NOS1AP: variants seen among roughly 807,000 people sequenced by gnomAD.
NOS1AP encodes nitric oxide synthase 1 adaptor protein, also known as carboxyl-terminal PDZ ligand of neuronal nitric oxide synthase protein.
A neutral mutation model predicts 56.2 loss-of-function variants in NOS1AP; 21 were observed. The observed-to-expected ratio is 0.37, with a 90% confidence interval of 0.26 to 0.54. NOS1AP has a LOEUF of 0.54. NOS1AP is among the 20% of genes least tolerant of loss of function. NOS1AP has a pLI of 0.84. For synonymous variants in NOS1AP, 270 were observed against 274.6 expected (o/e 0.98, Z 0.17); for missense variants, 522 against 657.8 (o/e 0.79, Z 2.26).
At chr1:162,293,924 A>G (rs6689843) in intron 3 of NOS1AP, among the ~76,000 whole-genome samples, 39,938 of 151,954 alleles carry the variant, frequency 0.26, 5,461 homozygotes, top group East Asian at 0.43. Flanking sequence ...GGAGGAAATG[A>G]CTTTTTTCCC....
intron 2 of NOS1AP, among the ~76,000 whole-genome samples, chr1:162,181,655 T>G (rs1280632983): frequency 3.3e-5 from 5 of 152,178 alleles, no homozygotes; most frequent in Non-Finnish European, 7.3e-5. Flanking sequence ...GGGGTGATGT[T>G]GACATGAACT....
chr1:162,367,749 T>C lies in NOS1AP; in HGVS notation c.*282T>C. 2 of 431,228 alleles carry C rather than the reference T, an allele frequency of 4.6e-6. No individual in the cohort carries two copies. The highest frequency in any genetic ancestry group is 8.4e-6 in the Non-Finnish European group (2 of 238,572). 26.7% of individuals were successfully genotyped at this position (431,228 alleles called of 1,614,324 possible). A position where few individuals can be genotyped will look rare whatever the true frequency, so the allele number is the denominator to read the frequency against. On this transcript the variant is annotated 3_prime_UTR_variant, in exon 10 of 10. Coordinates refer to ENST00000361897, the MANE Select transcript of NOS1AP (RefSeq NM_014697.3). This position sits in a 1 kb window ranked among gnomAD's most constrained non-coding sequence, Gnocchi z 6.5. The stretch of plus-strand genomic sequence containing the variant: ...CCATGGCTTCAGGAGAGGGTCTCTC[T>C]CCAGGACTGCCAGGCTGCTGGAGGA...
At position 162,369,145 on chromosome 1, in the gene NOS1AP, G is replaced by T. The variant is rs1647285438; in HGVS notation, c.*1678G>T. The T allele has an allele frequency of 6.6e-6, 1 of 152,192 alleles. No individual in the cohort carries two copies. The highest frequency in any genetic ancestry group is 1.5e-5 in the Non-Finnish European group (1 of 68,050). The allele number at this position is 152,192 out of a possible 1,614,324, so 9.4% of individuals were successfully genotyped here. ...TGTGAGGGAAAGTGTGTACATATATGTAGGATTGTAACCAGACGGAAAAGA... is the reference window on the plus strand; with the variant it reads ...TGTGAGGGAAAGTGTGTACATATATTTAGGATTGTAACCAGACGGAAAAGA... On this transcript the variant is annotated 3_prime_UTR_variant, in exon 10 of 10. Coordinates refer to ENST00000361897, the MANE Select transcript of NOS1AP (RefSeq NM_014697.3).
intron 2 of NOS1AP, among the ~76,000 whole-genome samples, chr1:162,185,215 ATC>A (rs901591089): frequency 2.5e-4 from 38 of 152,180 alleles, no homozygotes; most frequent in Non-Finnish European, 2.1e-4. Context: ...ATCCAGGATA[ATC>A]TCTCCATCTG....
chr1:162,181,099 A>G (rs1651241978), intron 2 of NOS1AP, among the ~76,000 whole-genome samples: 1 of 152,238 alleles, frequency 6.6e-6, no homozygotes, highest in Non-Finnish European at 1.5e-5. Context: ...GTAGGATTAT[A>G]GGTAGTCAAT....
intron 5 of NOS1AP, among the ~76,000 whole-genome samples, chr1:162,337,329 T>C (rs1362221000): frequency 1.3e-5 from 2 of 152,164 alleles, no homozygotes; most frequent in African/African-American, 2.4e-5. Context: ...CACTATCAAA[T>C]TGGGGGCCAC....
intron 1 of NOS1AP, among the ~76,000 whole-genome samples, chr1:162,121,854 C>G (rs577406005): frequency 2.6e-5 from 4 of 152,122 alleles, no homozygotes; most frequent in Non-Finnish European, 5.9e-5. Flanking sequence ...ATCATGTTCC[C>G]GCACAGAGTA....
chr1:162,129,562 T>C (rs1212381046), intron 1 of NOS1AP, among the ~76,000 whole-genome samples: 1 of 152,240 alleles, frequency 6.6e-6, no homozygotes, highest in Non-Finnish European at 1.5e-5. Flanking sequence ...CTCTGTTTCA[T>C]TAGCAAATCG....
chr1:162,252,790 T>A (rs1331301098), intron 2 of NOS1AP, among the ~76,000 whole-genome samples: 1 of 152,230 alleles, frequency 6.6e-6, no homozygotes, highest in Non-Finnish European at 1.5e-5. Context: ...AATTTAAGTT[T>A]CAATTCATTA....
intron 2 of NOS1AP, among the ~76,000 whole-genome samples, chr1:162,245,415 C>G (rs746573948): frequency 4.0e-4 from 61 of 152,194 alleles, no homozygotes; most frequent in African/African-American, 1.4e-3. Context: ...CTGGAACTCT[C>G]ACATAATGCT....
chr1:162,099,877 G>A (rs1177153267), intron 1 of NOS1AP, among the ~76,000 whole-genome samples: 1 of 151,440 alleles, frequency 6.6e-6, no homozygotes, highest in Admixed American at 6.6e-5. Context: ...GTGAGAACAT[G>A]CGGTGTTTGG....
chr1:162,191,970 G>A (rs1651661944), intron 2 of NOS1AP, among the ~76,000 whole-genome samples: 1 of 152,096 alleles, frequency 6.6e-6, no homozygotes, highest in Non-Finnish European at 1.5e-5. Flanking sequence ...TTGTCCCCTG[G>A]AAGATAAGGG....
At chr1:162,217,417 C>T (rs1652617784) in intron 2 of NOS1AP, among the ~76,000 whole-genome samples, 1 of 151,838 alleles carries the variant, frequency 6.6e-6, no homozygotes, top group African/African-American at 2.4e-5. Context: ...GCATGAGCCA[C>T]CACACCCAGC....
intron 2 of NOS1AP, among the ~76,000 whole-genome samples, chr1:162,285,866 A>T (rs1389847648): frequency 3.3e-5 from 5 of 152,138 alleles, no homozygotes; most frequent in Non-Finnish European, 7.4e-5. Context: ...GTCATCAATG[A>T]TGTAGGTTGC....
chr1:162,091,275 C>A (rs1692124420), intron 1 of NOS1AP, among the ~76,000 whole-genome samples: 2 of 152,106 alleles, frequency 1.3e-5, no homozygotes, highest in South Asian at 2.1e-4. Flanking sequence ...TCCTGTGGGT[C>A]CCCTGTTGTT....
intron 2 of NOS1AP, among the ~76,000 whole-genome samples, chr1:162,224,652 T>C (rs1033647140): frequency 6.6e-6 from 1 of 152,196 alleles, no homozygotes; most frequent in Non-Finnish European, 1.5e-5. Flanking sequence ...TGAAAAATTG[T>C]ACTGAACAAG....
chr1:162,152,852 C>T (rs1649775108), intron 1 of NOS1AP, among the ~76,000 whole-genome samples: 1 of 152,182 alleles, frequency 6.6e-6, no homozygotes, highest in African/African-American at 2.4e-5. Flanking sequence ...ACATCCCTTT[C>T]CCGCACAGAT....
In NOS1AP at chr1:162,195,241, T is replaced by C. The variant is rs149758905; in HGVS notation, c.177+40765T>C. Among the ~76,000 whole-genome samples, 133 of 152,308 alleles carry C rather than the reference T, an allele frequency of 8.7e-4. 2 individuals are homozygous for C. Among genetic ancestry groups the C allele is most frequent in the African/African-American group, 3.0e-3 (125 of 41,562 alleles). ...TCATCGTGAATAATCACATTGATAA[T>C]TATTAATATTAATACCAAATTACTA... is the stretch of plus-strand genomic sequence containing the variant. On this transcript the variant is annotated intron_variant, in intron 2 of 9. Coordinates refer to ENST00000361897, the MANE Select transcript of NOS1AP (RefSeq NM_014697.3).
chr1:162,143,014 AC>A (rs774813482), intron 1 of NOS1AP, among the ~76,000 whole-genome samples: 39 of 152,210 alleles, frequency 2.6e-4, no homozygotes, highest in Non-Finnish European at 4.9e-4. Context: ...TGCACTGCAG[AC>A]CCCACATTCC....
Sources: allele counts gnomAD v4.1 joint callset (sites outside exome capture counted in the v4.1 genomes callset), GRCh38; gene constraint gnomAD v4.1.1; non-coding constraint Gnocchi (gnomAD v3.1); transcripts MANE v1.5; gene names NCBI Gene and HGNC (gene_info 2026-07-23, HGNC 2026-07-21).